PARD3: variants seen among roughly 807,000 people sequenced by gnomAD.
PARD3 encodes the protein partitioning defective 3 homolog.
In PARD3, 75 loss-of-function variants were observed where a neutral mutation model predicts 155.4. That is an observed-to-expected ratio of 0.48 (90% CI 0.40 to 0.58). The LOEUF is 0.58. Among genes scored for constraint, PARD3 ranks in the 20% least tolerant of loss-of-function variants. The pLI, the probability that PARD3 is intolerant of heterozygous loss-of-function variation, is 0.00. For synonymous variants in PARD3, 576 were observed against 610.5 expected (o/e 0.94, Z 0.83); for missense variants, 1,642 against 1,721.7 (o/e 0.95, Z 0.82).
intron 1 of PARD3, among the ~76,000 whole-genome samples, chr10:34,740,541 T>A (rs1481693832): frequency 6.6e-6 from 1 of 152,046 alleles, no homozygotes; most frequent in African/African-American, 2.4e-5. Flanking sequence ...AACAGGTGTG[T>A]TCAGAGCTGA....
chr10:34,459,509 T>C (rs1284625698), intron 4 of PARD3, among the ~76,000 whole-genome samples: 1 of 152,174 alleles, frequency 6.6e-6, no homozygotes, highest in Admixed American at 6.6e-5. Flanking sequence ...TAAATATGTA[T>C]GCTCCAAAAC....
At chr10:34,813,725 T>A (rs1274652564) in intron 1 of PARD3, among the ~76,000 whole-genome samples, 2 of 152,354 alleles carry the variant, frequency 1.3e-5, no homozygotes, top group Admixed American at 1.3e-4. Context: ...GTACCCTGTG[T>A]ACGCTCAATA....
chr10:34,654,627 T>C (rs1472601350), intron 2 of PARD3, among the ~76,000 whole-genome samples: 1 of 152,216 alleles, frequency 6.6e-6, no homozygotes, highest in Admixed American at 6.5e-5. Context: ...CACAATCTAC[T>C]TCTTACTTCT....
chr10:34,732,731 G>A (rs906322208), intron 1 of PARD3, among the ~76,000 whole-genome samples: 1 of 152,098 alleles, frequency 6.6e-6, no homozygotes, highest in Non-Finnish European at 1.5e-5. Context: ...TTGATTAATC[G>A]GTGATAAATA....
At position 34,110,841 on chromosome 10, in the gene PARD3, A is replaced by C; in HGVS notation, c.*328T>G. 5.2e-6 allele frequency: 1 copy of C among 193,158 alleles called. No homozygotes were observed. The highest frequency in any genetic ancestry group is 1.0e-5 in the Non-Finnish European group (1 of 95,390). The allele number at this position is 193,158 out of a possible 1,614,324, so 12.0% of individuals were successfully genotyped here. A position where few individuals can be genotyped will look rare whatever the true frequency, so the allele number is the denominator to read the frequency against. On this transcript the variant is annotated 3_prime_UTR_variant, in exon 25 of 25. Coordinates refer to ENST00000374788, the MANE Select transcript of PARD3 (RefSeq NM_001184785.2). ...CACTTCAGGTGAATTTGTCACTGCA[A>C]GTGGTGCAGGGATGTTACAACCAAG...
At chr10:34,335,394 A>G (rs1289892121) in intron 18 of PARD3, among the ~76,000 whole-genome samples, 1 of 152,076 alleles carries the variant, frequency 6.6e-6, no homozygotes, top group Non-Finnish European at 1.5e-5. Context: ...GTGTAACTAC[A>G]TCATACTGGA....
At chr10:34,463,359 G>GA (rs1204636597) in intron 4 of PARD3, among the ~76,000 whole-genome samples, 8 of 94,518 alleles carry the variant, frequency 8.5e-5, no homozygotes, top group Non-Finnish European at 1.1e-4. Context: ...AGGGGAAGGG[G>GA]AGGGGAGGGG....
chr10:34,462,743 A>T (rs2077731186), intron 4 of PARD3, among the ~76,000 whole-genome samples: 1 of 151,718 alleles, frequency 6.6e-6, no homozygotes, highest in African/African-American at 2.4e-5. Flanking sequence ...ATGGGCTGAG[A>T]TGGGAGGATC....
intron 1 of PARD3, among the ~76,000 whole-genome samples, chr10:34,806,767 G>A (rs144311834): frequency 1.3e-5 from 2 of 152,306 alleles, no homozygotes; most frequent in East Asian, 3.9e-4. Flanking sequence ...AAGAGGTCCT[G>A]GACCCTGTAT....
At chr10:34,661,199 CAT>C (rs1452388653) in intron 2 of PARD3, among the ~76,000 whole-genome samples, 2 of 152,060 alleles carry the variant, frequency 1.3e-5, no homozygotes, top group African/African-American at 4.8e-5. Context: ...TTAAAAAAGT[CAT>C]TTTTAATTGA....
At chr10:34,777,933 G>A (rs1309317495) in intron 1 of PARD3, among the ~76,000 whole-genome samples, 1 of 152,074 alleles carries the variant, frequency 6.6e-6, no homozygotes, top group East Asian at 1.9e-4. Flanking sequence ...CCCGCAAGGA[G>A]GCCTTTGGGA....
intron 22 of PARD3, among the ~76,000 whole-genome samples, chr10:34,232,175 T>C (rs566136532): frequency 2.6e-5 from 4 of 152,242 alleles, no homozygotes; most frequent in East Asian, 1.9e-4. Context: ...AGGTATTCAA[T>C]AGCAATATCT....
chr10:34,350,319 C>T (rs1837913801), intron 14 of PARD3, among the ~76,000 whole-genome samples: 1 of 152,142 alleles, frequency 6.6e-6, no homozygotes, highest in African/African-American at 2.4e-5. Context: ...GCTATCACCC[C>T]CTTGCAGGCT....
intron 20 of PARD3, among the ~76,000 whole-genome samples, chr10:34,306,746 C>T (rs1000224364): frequency 1.3e-5 from 2 of 152,148 alleles, no homozygotes; most frequent in Non-Finnish European, 2.9e-5. Flanking sequence ...CAGGTATGTA[C>T]GTATACAAAG....
At chr10:34,491,988 GACA>G (rs1319920693) in intron 3 of PARD3, among the ~76,000 whole-genome samples, 1 of 152,080 alleles carries the variant, frequency 6.6e-6, no homozygotes, top group Non-Finnish European at 1.5e-5. Flanking sequence ...AAATGTCACA[GACA>G]ACAATATTGA....
intron 23 of PARD3, among the ~76,000 whole-genome samples, chr10:34,130,590 C>T (rs1024436996): frequency 1.3e-5 from 2 of 152,114 alleles, no homozygotes; most frequent in Non-Finnish European, 2.9e-5. Context: ...AAAATCTGTC[C>T]CAACCCCTCC....
chr10:34,227,854 T>TATATATA (rs1952683542), intron 22 of PARD3, among the ~76,000 whole-genome samples: 15 of 26,500 alleles, frequency 5.7e-4, no homozygotes, highest in Middle Eastern at 0.025. Context: ...GGGAATTATT[T>TATATATA]TTTATATATA....
At chr10:34,810,989 A>G (rs1844078022) in intron 1 of PARD3, among the ~76,000 whole-genome samples, 1 of 152,146 alleles carries the variant, frequency 6.6e-6, no homozygotes, top group Admixed American at 6.5e-5. Flanking sequence ...AACCCAATCC[A>G]AAGCTCCCCT....
chr10:34,347,873 T>C lies in PARD3; in HGVS notation c.2218+92A>G, dbSNP rs570345711. On this transcript the variant is annotated intron_variant, in intron 15 of 24. Coordinates refer to ENST00000374788, the MANE Select transcript of PARD3 (RefSeq NM_001184785.2). ...ATTTTTATTTACATTAATATTACAC[T>C]AATAGTACATTAATATTACACCAAT... 21 of 899,936 alleles carry C rather than the reference T, an allele frequency of 2.3e-5. No individual in the cohort carries two copies. In the East Asian group the frequency reaches 6.0e-4, roughly 26 times the overall value. The allele number at this position is 899,936 out of a possible 1,614,324, so 55.7% of individuals were successfully genotyped here.
Sources: allele counts gnomAD v4.1 joint callset (sites outside exome capture counted in the v4.1 genomes callset), GRCh38; gene constraint gnomAD v4.1.1; transcripts MANE v1.5; gene names NCBI Gene and HGNC (gene_info 2026-07-23, HGNC 2026-07-21).